RORA: variants seen among roughly 807,000 people sequenced by gnomAD.
RORA encodes nuclear receptor ROR-alpha.
In RORA, 7 loss-of-function variants were observed where a neutral mutation model predicts 69.5. The ratio of observed to expected loss-of-function variants is 0.10; its 90% confidence interval spans 0.06 to 0.19. The LOEUF is 0.19. RORA is among the 10% of genes least tolerant of loss of function. RORA has a pLI of 1.00. For missense variants in RORA, 457 were observed against 663.0 expected, an observed-to-expected ratio of 0.69 and a Z score of 3.41; for synonymous variants, 261 against 240.8, an observed-to-expected ratio of 1.08 and a Z score of -0.78.
At chr15:61,107,994 C>T (rs75089105) in intron 1 of RORA, among the ~76,000 whole-genome samples, 3,046 of 152,190 alleles carry the variant, frequency 0.02, 82 homozygotes, top group East Asian at 0.089. Context: ...AGGACTTCTC[C>T]GGATTTTAAA....
intron 1 of RORA, among the ~76,000 whole-genome samples, chr15:60,970,783 C>T (rs557222216): frequency 2.4e-4 from 37 of 152,200 alleles, no homozygotes; most frequent in African/African-American, 8.4e-4. Context: ...TTTTCCTTGA[C>T]GATCACAGAG....
chr15:60,693,116 T>C (rs2070852848), intron 1 of RORA, among the ~76,000 whole-genome samples: 1 of 152,216 alleles, frequency 6.6e-6, no homozygotes, highest in Non-Finnish European at 1.5e-5. Context: ...TCAAATTGGC[T>C]TCATCCCCGG....
chr15:61,007,547 C>T (rs1894944825), intron 1 of RORA, among the ~76,000 whole-genome samples: 1 of 151,792 alleles, frequency 6.6e-6, no homozygotes, highest in Non-Finnish European at 1.5e-5. Context: ...CTAAAAATCA[C>T]TGTAATGATA....
At chr15:60,816,039 T>G (rs1342795226) in intron 1 of RORA, among the ~76,000 whole-genome samples, 1 of 146,136 alleles carries the variant, frequency 6.8e-6, no homozygotes, top group Non-Finnish European at 1.5e-5. Flanking sequence ...ATAGTATATA[T>G]ACTATAAAAA....
chr15:60,853,456 G>A (rs994964618), intron 1 of RORA, among the ~76,000 whole-genome samples: 5 of 152,278 alleles, frequency 3.3e-5, no homozygotes, highest in Middle Eastern at 3.4e-3. Flanking sequence ...GGCATAAAAC[G>A]AGAAGTTTCC....
intron 1 of RORA, among the ~76,000 whole-genome samples, chr15:60,896,712 C>G (rs912747048): frequency 6.7e-6 from 1 of 149,098 alleles, no homozygotes; most frequent in Non-Finnish European, 1.5e-5. Flanking sequence ...GTTTAATTAG[C>G]AAGACTCTGG....
At chr15:61,179,452 A>C (rs2079661963) in intron 1 of RORA, among the ~76,000 whole-genome samples, 1 of 152,228 alleles carries the variant, frequency 6.6e-6, no homozygotes, top group Non-Finnish European at 1.5e-5. Context: ...TTGTTTAATT[A>C]CAATATGTTA....
intron 2 of RORA, among the ~76,000 whole-genome samples, chr15:60,536,924 G>C (rs920206): frequency 0.047 from 7,216 of 152,278 alleles, 613 homozygotes; most frequent in African/African-American, 0.17. Flanking sequence ...TGCTATGTTA[G>C]ATATTTCTCT....
At chr15:60,637,537 A>G (rs1166831777) in intron 2 of RORA, among the ~76,000 whole-genome samples, 1 of 152,128 alleles carries the variant, frequency 6.6e-6, no homozygotes, top group Non-Finnish European at 1.5e-5. Context: ...GCAGAAATAC[A>G]TTCTCGTTAT....
intron 1 of RORA, among the ~76,000 whole-genome samples, chr15:60,858,949 C>T (rs981365354): frequency 1.3e-5 from 2 of 151,680 alleles, no homozygotes; most frequent in African/African-American, 2.4e-5. Context: ...TTACTTGCCA[C>T]AGGAATGTTC....
At chr15:60,849,748 A>T (rs1024598344) in intron 1 of RORA, among the ~76,000 whole-genome samples, 1 of 152,200 alleles carries the variant, frequency 6.6e-6, no homozygotes, top group Non-Finnish European at 1.5e-5. Flanking sequence ...ATGTCTCTGA[A>T]TGTGGAGCTG....
At position 60,514,613 on chromosome 15, in the gene RORA, C is replaced by T; in HGVS notation, c.424+3G>A. On this transcript the variant is annotated splice_donor_region_variant and intron_variant, in intron 4 of 10. Transcript: ENST00000335670. ...CTGTACAACTCAAGCTGTGAGAGCT[C>T]ACCATCTCGAGACATCCCTACGGCA... 1 of 1,613,850 alleles carries T rather than the reference C, an allele frequency of 6.2e-7. No individual in the cohort carries two copies. The highest frequency in any genetic ancestry group is 8.5e-7 in the Non-Finnish European group (1 of 1,179,806).
At chr15:60,815,081 C>T (rs1199282083) in intron 1 of RORA, among the ~76,000 whole-genome samples, 3 of 152,108 alleles carry the variant, frequency 2.0e-5, no homozygotes, top group Non-Finnish European at 4.4e-5. Context: ...TCAACTAATC[C>T]AACTGTGTTT....
At chr15:61,116,085 A>G (rs1332598864) in intron 1 of RORA, among the ~76,000 whole-genome samples, 1 of 152,086 alleles carries the variant, frequency 6.6e-6, no homozygotes, top group Non-Finnish European at 1.5e-5. Flanking sequence ...CAAACAAACA[A>G]ACAAAAAACA....
chr15:61,128,233 G>A lies in RORA; in HGVS notation c.166+100820C>T, dbSNP rs1013689132. 1.1e-4 allele frequency among the ~76,000 whole-genome samples: 17 copies of A among 152,020 alleles called. No homozygotes were observed. The highest frequency in any genetic ancestry group is 3.9e-4 in the African/African-American group (16 of 41,394). On this transcript the variant is annotated intron_variant, in intron 1 of 10. Coordinates refer to ENST00000335670, the MANE Select transcript of RORA (RefSeq NM_134261.3). The surrounding 1 kb of genome is among the most constrained non-coding windows in gnomAD (Gnocchi z 4.5). ...TGTGTGTGTGTGTGTGTCTGTGTGT[G>A]AGTGTGTTTCTGCAAGGGTATACTT...
chr15:60,580,962 G>T (rs184902928), intron 2 of RORA, among the ~76,000 whole-genome samples: 70 of 152,260 alleles, frequency 4.6e-4, no homozygotes, highest in Admixed American at 1.2e-3. Context: ...CATTCCTGCT[G>T]ATTACCACAC....
chr15:60,990,656 T>C (rs1031429705), intron 1 of RORA, among the ~76,000 whole-genome samples: 8 of 152,242 alleles, frequency 5.3e-5, no homozygotes, highest in South Asian at 2.1e-4. Context: ...ATATGTTACA[T>C]ATACAATTAC....
Position 60,878,385 on chromosome 15 carries a change from A to G in RORA, c.167-199699T>C, listed in dbSNP as rs149116348. Among the ~76,000 whole-genome samples the G allele has an allele frequency of 4.8e-3, 731 of 150,740 alleles. 3 individuals carry two copies. Among genetic ancestry groups the G allele is most frequent in the Non-Finnish European group, 8.8e-3 (598 of 67,722 alleles). ...AAAAAAAAAGAATTTTCCAGTGTTG[A>G]AGAGGACAGAGTGACTTTCTCCTCA... On this transcript the variant is annotated intron_variant, in intron 1 of 10. Transcript: ENST00000335670.
intron 1 of RORA, among the ~76,000 whole-genome samples, chr15:60,789,403 G>T (rs56081280): frequency 8.5e-4 from 129 of 152,360 alleles, no homozygotes; most frequent in African/African-American, 3.0e-3. Context: ...TTCTCTAGAA[G>T]AGTCTTCCTT....
Sources: gnomAD v4.1 joint callset for allele counts (sites outside exome capture counted in the v4.1 genomes callset) on GRCh38, gnomAD v4.1.1 for gene constraint, Gnocchi (gnomAD v3.1) non-coding constraint, MANE v1.5 for transcripts, NCBI Gene and HGNC (gene_info 2026-07-23, HGNC 2026-07-21) for gene names.